PCDH9: variants seen among roughly 807,000 people sequenced by gnomAD.
PCDH9 encodes protocadherin-9.
In PCDH9, 24 loss-of-function variants were observed where a neutral mutation model predicts 70.6. The ratio of observed to expected loss-of-function variants is 0.34; its 90% CI spans 0.25 to 0.48. PCDH9 has a LOEUF of 0.48. Among genes scored for constraint, PCDH9 ranks in the 20% least tolerant of loss-of-function variants. PCDH9 has a pLI of 0.99. For missense variants in PCDH9, 1,281 were observed against 1,503.6 expected (o/e 0.85, Z 2.45); for synonymous variants, 562 against 558.5 (o/e 1.01, Z -0.09).
At chr13:67,109,419 T>C (rs971932683) in intron 2 of PCDH9, among the ~76,000 whole-genome samples, 2 of 152,210 alleles carry the variant, frequency 1.3e-5, no homozygotes, top group African/African-American at 4.8e-5. Flanking sequence ...ATCACGTAGT[T>C]TGGCATATTT....
chr13:66,308,211 C>T (rs1955502589), intron 4 of PCDH9, among the ~76,000 whole-genome samples: 1 of 152,032 alleles, frequency 6.6e-6, no homozygotes, highest in Admixed American at 6.6e-5. Context: ...ATTTCTTCTT[C>T]AATTTCTTTA....
rs533241718 is a variant in PCDH9 at position 66,602,253 on chromosome 13, T to A, written c.3340+28957A>T. ...ATCATGTTTTAAGAAAGTTTATGAA[T>A]TTGTGTTGGGCCACATTCAAAGCCT... On this transcript the variant is annotated intron_variant, in intron 4 of 4. Coordinates refer to ENST00000377865, the MANE Select transcript of PCDH9 (RefSeq NM_203487.3). 9.6e-5 allele frequency among the ~76,000 whole-genome samples: 14 copies of A among 146,548 alleles called. 2 individuals carry two copies. The highest frequency in any genetic ancestry group is 3.4e-4 in the African/African-American group (14 of 40,736).
At chr13:67,102,687 T>C (rs572341482) in intron 2 of PCDH9, among the ~76,000 whole-genome samples, 19 of 152,260 alleles carry the variant, frequency 1.2e-4, no homozygotes, top group African/African-American at 4.6e-4. Flanking sequence ...TAATCAGGAA[T>C]GATTGAAACA....
At chr13:66,580,187 C>T (rs9540828) in intron 4 of PCDH9, among the ~76,000 whole-genome samples, 72,737 of 151,698 alleles carry the variant, frequency 0.48, 18,031 homozygotes, top group African/African-American at 0.6. Context: ...TTTCTTTACC[C>T]CATGTACATC....
chr13:66,910,945 GA>G (rs2082453912), intron 2 of PCDH9, among the ~76,000 whole-genome samples: 1 of 152,122 alleles, frequency 6.6e-6, no homozygotes, highest in African/African-American at 2.4e-5. Context: ...CTTTTCTTAA[GA>G]AACTTTTGAC....
intron 2 of PCDH9, among the ~76,000 whole-genome samples, chr13:67,084,966 C>CAAAA (rs1158690945): frequency 9.6e-5 from 4 of 41,464 alleles, no homozygotes; most frequent in Admixed American, 5.2e-4. Flanking sequence ...GATGCTGTCT[C>CAAAA]AAAAAAAAAA....
chr13:66,988,147 C>T (rs1188896087), intron 2 of PCDH9, among the ~76,000 whole-genome samples: 1 of 151,944 alleles, frequency 6.6e-6, no homozygotes, highest in Non-Finnish European at 1.5e-5. Context: ...GAGATCCTTG[C>T]ACCTTGGGAA....
chr13:66,873,531 A>G (rs2081737586), intron 3 of PCDH9, among the ~76,000 whole-genome samples: 1 of 152,106 alleles, frequency 6.6e-6, no homozygotes, highest in Admixed American at 6.6e-5. Context: ...TCTTTGAAAG[A>G]TTTGTCTTTC....
intron 2 of PCDH9, among the ~76,000 whole-genome samples, chr13:67,108,460 T>TA (rs1002338219): frequency 1.1e-4 from 16 of 152,304 alleles, no homozygotes; most frequent in African/African-American, 3.8e-4. Flanking sequence ...GCAGATACAT[T>TA]AAAAAACTCA....
intron 2 of PCDH9, among the ~76,000 whole-genome samples, chr13:67,160,846 T>C (rs1410764042): frequency 6.6e-6 from 1 of 152,344 alleles, no homozygotes; most frequent in Non-Finnish European, 1.5e-5. Flanking sequence ...CTGAGTACAA[T>C]TGAATTCTCA....
chr13:66,532,896 A>G (rs1200302809), intron 4 of PCDH9, among the ~76,000 whole-genome samples: 1 of 152,184 alleles, frequency 6.6e-6, no homozygotes, highest in Non-Finnish European at 1.5e-5. Flanking sequence ...CTAGGTGACA[A>G]CATTAGATCT....
intron 2 of PCDH9, among the ~76,000 whole-genome samples, chr13:67,129,489 T>A (rs754945281): frequency 4.6e-5 from 7 of 152,100 alleles, no homozygotes; most frequent in Admixed American, 2.0e-4. Context: ...TCCAGGATTT[T>A]TGGGCCTTTT....
At chr13:66,523,350 A>T (rs1379882466) in intron 4 of PCDH9, among the ~76,000 whole-genome samples, 1 of 152,110 alleles carries the variant, frequency 6.6e-6, no homozygotes, top group Non-Finnish European at 1.5e-5. Context: ...ACAGTTGAGG[A>T]ACTGAAGAAC....
intron 3 of PCDH9, among the ~76,000 whole-genome samples, chr13:66,723,796 A>G (rs966078443): frequency 1.3e-4 from 20 of 152,192 alleles, no homozygotes; most frequent in Non-Finnish European, 2.4e-4. Context: ...TGCCCAGAAT[A>G]CTAATGAAAA....
intron 4 of PCDH9, among the ~76,000 whole-genome samples, chr13:66,413,627 A>T (rs1009040750): frequency 2.0e-5 from 3 of 152,088 alleles, no homozygotes; most frequent in Admixed American, 6.6e-5. Context: ...CGGAGCTTGC[A>T]GTGAGCCAAG....
At chr13:66,579,377 T>C (rs930117714) in intron 4 of PCDH9, among the ~76,000 whole-genome samples, 3 of 152,038 alleles carry the variant, frequency 2.0e-5, no homozygotes, top group African/African-American at 7.2e-5. Context: ...TGGAAAAATA[T>C]TGCAACAGGG....
At chr13:67,103,116 G>C (rs2086466619) in intron 2 of PCDH9, among the ~76,000 whole-genome samples, 1 of 151,832 alleles carries the variant, frequency 6.6e-6, no homozygotes, top group Non-Finnish European at 1.5e-5. Context: ...CAAAATGTAG[G>C]TACAAAACTT....
intron 3 of PCDH9, among the ~76,000 whole-genome samples, chr13:66,737,354 TTC>T (rs1231513717): frequency 1.3e-5 from 2 of 152,212 alleles, no homozygotes; most frequent in Admixed American, 6.5e-5. Context: ...TCTTGAAACT[TTC>T]TTTCTCAATA....
At chr13:67,222,454 G>A (rs889412405) in intron 2 of PCDH9, 1 of 151,866 alleles carries the variant, frequency 6.6e-6, no homozygotes, top group African/African-American at 2.4e-5. Flanking sequence ...TTAACACAAG[G>A]GAAAACAGCA....
Sources: allele counts gnomAD v4.1 joint callset (sites outside exome capture counted in the v4.1 genomes callset), GRCh38; gene constraint gnomAD v4.1.1; transcripts MANE v1.5; gene names NCBI Gene and HGNC (gene_info 2026-07-23, HGNC 2026-07-21).